SSH2: variants seen among roughly 807,000 people sequenced by gnomAD.
SSH2 encodes slingshot protein phosphatase 2, also known as protein phosphatase Slingshot homolog 2.
Under a neutral mutation model 135.2 loss-of-function variants are expected in SSH2, and 37 were observed. That is an observed-to-expected ratio of 0.27 (90% CI 0.21 to 0.36). SSH2 has a LOEUF of 0.36. SSH2 is among the 10% of genes least tolerant of loss of function. The pLI, the probability that SSH2 is intolerant of heterozygous loss-of-function variation, is 1.00. For missense variants in SSH2, 1,408 were observed against 1,765.3 expected (o/e 0.80, Z 3.63); for synonymous variants, 628 against 646.2 (o/e 0.97, Z 0.43).
chr17:29,715,307 G>A (rs2039582882), intron 3 of SSH2, among the ~76,000 whole-genome samples: 1 of 150,956 alleles, frequency 6.6e-6, no homozygotes, highest in Admixed American at 6.6e-5. Context: ...GTGCAGTGGC[G>A]TGATCTTGGC....
intron 2 of SSH2, among the ~76,000 whole-genome samples, chr17:29,822,199 C>G (rs1427415669): frequency 6.6e-6 from 1 of 152,160 alleles, no homozygotes; most frequent in East Asian, 1.9e-4. Flanking sequence ...AAGTGACTTA[C>G]CAGGTCACCT....
At chr17:29,927,693 T>C (rs935321935) in intron 1 of SSH2, among the ~76,000 whole-genome samples, 14 of 152,160 alleles carry the variant, frequency 9.2e-5, no homozygotes, top group Non-Finnish European at 1.3e-4. Flanking sequence ...ACAACTCAGC[T>C]GAACACAATT....
Position 29,636,247 on chromosome 17 carries a change from G to C in SSH2, c.1983C>G (p.Pro661=), listed in dbSNP as rs757024891. The C allele has an allele frequency of 6.2e-7, 1 of 1,614,144 alleles. No homozygotes were observed. The highest frequency in any genetic ancestry group is 1.1e-5 in the South Asian group (1 of 91,080). Residue 661 remains proline (P), a synonymous_variant, in exon 15 of 16, where the codon CCC becomes CCG. Coordinates refer to ENST00000540801, the MANE Select transcript of SSH2 (RefSeq NM_001282129.2). The part of the protein sequence containing the change: ...PMSPDPESPS[P]QPSCQTEISD... ...AGATTTCAGTCTGGCAACTGGGTTGGGGGCTTGGTGACTCAGGATCAGGGG... is the reference window on the plus strand; with the variant it reads ...AGATTTCAGTCTGGCAACTGGGTTGCGGGCTTGGTGACTCAGGATCAGGGG...
At chr17:29,825,733 T>A (rs758662052) in intron 2 of SSH2, among the ~76,000 whole-genome samples, 13 of 152,196 alleles carry the variant, frequency 8.5e-5, no homozygotes, top group Admixed American at 2.0e-4. Context: ...GAAGACGCCA[T>A]CATTGTCCTG....
rs60242323 is a variant in SSH2 at position 29,908,763 on chromosome 17, G to GAAAA, written c.63+21171_63+21174dup. On this transcript the variant is annotated intron_variant, in intron 1 of 15. Transcript: ENST00000540801. ...TGGGCAACAGAGCAAGACTCCATCT[G>GAAAA]AAAAAAAAAAAAAAAAAAAAAAAAA... Among the ~76,000 whole-genome samples, 80 of 50,880 alleles carry GAAAA rather than the reference G, an allele frequency of 1.6e-3. 1 individual carries two copies. Among genetic ancestry groups the GAAAA allele is most frequent in the Non-Finnish European group, 1.9e-3 (58 of 30,958 alleles). The allele number at this position is 50,880 out of a possible 152,430, so 33.4% of individuals were successfully genotyped here. A position where few individuals can be genotyped will look rare whatever the true frequency, so the allele number is the denominator to read the frequency against.
At chr17:29,892,080 T>C (rs377702924) in intron 1 of SSH2, among the ~76,000 whole-genome samples, 303 of 152,192 alleles carry the variant, frequency 2.0e-3, no homozygotes, top group Non-Finnish European at 3.5e-3. Flanking sequence ...CTTTTTTTAT[T>C]AAAAAGAGAC....
intron 9 of SSH2, among the ~76,000 whole-genome samples, chr17:29,668,185 T>A (rs2037353986): frequency 6.6e-6 from 1 of 152,232 alleles, no homozygotes; most frequent in Admixed American, 6.5e-5. Context: ...TACAGCCTTA[T>A]CACTGGTTGC....
chr17:29,858,996 G>T (rs2065713295), intron 1 of SSH2, among the ~76,000 whole-genome samples: 1 of 152,226 alleles, frequency 6.6e-6, no homozygotes, highest in Non-Finnish European at 1.5e-5. Flanking sequence ...GTCAGCCTCA[G>T]AAGAAATCAA....
chr17:29,712,665 A>G (rs1354769632), intron 3 of SSH2, among the ~76,000 whole-genome samples: 2 of 152,148 alleles, frequency 1.3e-5, no homozygotes, highest in Admixed American at 1.3e-4. Context: ...TTAGCCGGGC[A>G]TGGTGGCATG....
rs1377658444 is a variant in SSH2 at position 29,635,956 on chromosome 17, G to A, written c.2262+12C>T. On this transcript the variant is annotated intron_variant, in intron 15 of 15. Transcript: ENST00000540801. ...ACTTCATTAGGCGGAAAACTATAAA[G>A]ACAGTTTTTACCTTTGACTGTTCCT... is the stretch of plus-strand genomic sequence containing the variant. 2 of 1,568,946 alleles carry A rather than the reference G, an allele frequency of 1.3e-6. No individual in the cohort carries two copies. The highest frequency in any genetic ancestry group is 1.7e-6 in the Non-Finnish European group (2 of 1,145,162).
chr17:29,923,575 G>A (rs937466177), intron 1 of SSH2, among the ~76,000 whole-genome samples: 6 of 150,850 alleles, frequency 4.0e-5, no homozygotes, highest in East Asian at 3.9e-4. Context: ...AGCTGTGATT[G>A]CACCACTACA....
At chr17:29,894,516 T>A (rs1567636945) in intron 1 of SSH2, among the ~76,000 whole-genome samples, 1 of 152,128 alleles carries the variant, frequency 6.6e-6, no homozygotes, top group Non-Finnish European at 1.5e-5. Context: ...GATACCTACT[T>A]CGATGTAAAT....
intron 1 of SSH2, among the ~76,000 whole-genome samples, chr17:29,865,710 A>G (rs1466976007): frequency 6.6e-6 from 1 of 152,228 alleles, no homozygotes; most frequent in South Asian, 2.1e-4. Flanking sequence ...GAAAATAGCA[A>G]TGGAACCTGA....
chr17:29,641,817 A>C (rs1026051038), intron 14 of SSH2: 1 of 152,148 alleles, frequency 6.6e-6, no homozygotes, highest in Admixed American at 6.6e-5. Context: ...TATAAAGGAA[A>C]AGGCTGCTAA....
intron 3 of SSH2, among the ~76,000 whole-genome samples, chr17:29,774,834 T>G (rs1158427249): frequency 6.6e-6 from 1 of 152,154 alleles, no homozygotes; most frequent in Admixed American, 6.5e-5. Flanking sequence ...AGCAAGAAGA[T>G]CAACATTGCC....
intron 3 of SSH2, among the ~76,000 whole-genome samples, chr17:29,779,191 T>A (rs1466277648): frequency 6.6e-6 from 1 of 152,060 alleles, no homozygotes. Flanking sequence ...GCTTTTCAAA[T>A]CAGATTTAAG....
chr17:29,710,171 C>A (rs1280032402), intron 3 of SSH2, among the ~76,000 whole-genome samples: 1 of 152,170 alleles, frequency 6.6e-6, no homozygotes, highest in Non-Finnish European at 1.5e-5. Flanking sequence ...AACTGCTGAA[C>A]GTCAGTTGGA....
chr17:29,732,178 A>G (rs1210441985), intron 3 of SSH2, among the ~76,000 whole-genome samples: 1 of 152,224 alleles, frequency 6.6e-6, no homozygotes, highest in Non-Finnish European at 1.5e-5. Flanking sequence ...GTAAAACTAA[A>G]TTAATGATAT....
chr17:29,720,874 C>T (rs192262114), intron 3 of SSH2, among the ~76,000 whole-genome samples: 1 of 152,282 alleles, frequency 6.6e-6, no homozygotes, highest in African/African-American at 2.4e-5. Context: ...TCCTTAATTA[C>T]CTCACAATTT....
Sources: gnomAD v4.1 joint callset for allele counts (sites outside exome capture counted in the v4.1 genomes callset) on GRCh38, gnomAD v4.1.1 for gene constraint, MANE v1.5 for transcripts, NCBI Gene and HGNC (gene_info 2026-07-23, HGNC 2026-07-21) for gene names.